The following EBPL variants were observed in gnomAD, a reference collection of about 807,000 sequenced individuals.
EBPL encodes the protein EBP like, also known as emopamil-binding protein-like.
A neutral mutation model predicts 19.0 loss-of-function variants in EBPL; 20 were observed. The ratio of observed to expected loss-of-function variants is 1.05; its 90% confidence interval spans 0.74 to 1.53. The LOEUF (loss-of-function observed/expected upper bound fraction) is 1.53, where lower values mean the gene tolerates loss of function less well. EBPL is among the 40% of genes most tolerant of loss of function. The pLI is 0.00. For missense variants in EBPL, 219 were observed against 261.1 expected (o/e 0.84, Z 1.11); for synonymous variants, 107 against 117.0 (o/e 0.91, Z 0.55).
At chr13:49,687,005 C>G (rs934942488) in intron 1 of EBPL, among the ~76,000 whole-genome samples, 3 of 152,260 alleles carry the variant, frequency 2.0e-5, no homozygotes, top group Non-Finnish European at 2.9e-5. Context: ...CAAGGCCTCA[C>G]TATGTTAGCA....
At chr13:49,661,291 C>T (rs1965144042) in intron 3 of EBPL, 83 bp from the exon 4 acceptor site, 5 of 1,128,774 alleles carry the variant, frequency 4.4e-6, no homozygotes, top group Non-Finnish European at 6.5e-6. Flanking sequence ...TCTGTAATGG[C>T]GGCATCAACA....
chr13:49,670,277 T>C (rs1953797553), intron 1 of EBPL, among the ~76,000 whole-genome samples: 3 of 152,184 alleles, frequency 2.0e-5, no homozygotes, highest in Admixed American at 1.3e-4. Context: ...CAATCAAGTT[T>C]ATACCAGCAT....
Position 49,663,044 on chromosome 13 carries a change from G to A in EBPL, c.380+13C>T. The A allele has an allele frequency of 6.2e-7, 1 of 1,613,256 alleles. No homozygotes were observed. The highest frequency in any genetic ancestry group is 8.5e-7 in the Non-Finnish European group (1 of 1,179,972). The stretch of plus-strand genomic sequence containing the variant: ...CTCCCCTCCTTCCAGCAGGACAGAA[G>A]AAGGGCACCTACCGGTAATATTTTT... On this transcript the variant is annotated intron_variant, in intron 3 of 3. Transcript: ENST00000242827.
chr13:49,675,875 ATTGTT>A (rs997175461), intron 1 of EBPL, among the ~76,000 whole-genome samples: 2 of 102,958 alleles, frequency 1.9e-5, no homozygotes, highest in Non-Finnish European at 4.6e-5. Flanking sequence ...CTTTGTTGTT[ATTGTT>A]TTTTTTTTTT....
intron 1 of EBPL, among the ~76,000 whole-genome samples, chr13:49,683,480 G>A (rs924672754): frequency 9.2e-5 from 14 of 151,928 alleles, no homozygotes; most frequent in Non-Finnish European, 1.9e-4. Flanking sequence ...GCAGTGAGCC[G>A]ATCGCACCAC....
At chr13:49,668,658 TTTTATA>T in intron 2 of EBPL, 2 of 381,376 alleles carry the variant, frequency 5.2e-6, no homozygotes, top group South Asian at 3.9e-5. Flanking sequence ...AGAAAGGCAG[TTTTATA>T]AAGTGGTAAA....
intron 1 of EBPL, among the ~76,000 whole-genome samples, chr13:49,677,269 T>C (rs1953886833): frequency 6.6e-6 from 1 of 152,204 alleles, no homozygotes; most frequent in African/African-American, 2.4e-5. Context: ...CCCTTCCCTG[T>C]ATCATCACAC....
chr13:49,686,599 G>A (rs1314611604), intron 1 of EBPL: 1 of 1,289,094 alleles, frequency 7.8e-7, no homozygotes, highest in South Asian at 1.2e-5. Context: ...CTCTCTCCTA[G>A]GATAGATATT....
intron 2 of EBPL, among the ~76,000 whole-genome samples, chr13:49,664,033 C>G (rs530270160): frequency 5.3e-5 from 8 of 152,374 alleles, no homozygotes; most frequent in African/African-American, 1.9e-4. Flanking sequence ...GGGCGGATCA[C>G]TTGAAGTCAG....
Position 49,669,835 on chromosome 13 carries a change from A to G in EBPL, c.183T>C (p.Phe61=), listed in dbSNP as rs1407797846. The G allele has an allele frequency of 6.2e-7, 1 of 1,613,748 alleles. No individual in the cohort carries two copies. The highest frequency in any genetic ancestry group is 2.2e-5 in the East Asian group (1 of 44,900). ...ALVHFALEGP[F]VYLSLVGNVA... The stretch of plus-strand genomic sequence containing the variant: ...CGTTTCCTACTAAAGACAAGTAGAC[A>G]AAAGGGCCTTCCTAGAGAGGAGAAA... Residue 61 remains phenylalanine, a synonymous_variant, in exon 2 of 4, where the codon TTT becomes TTC. Transcript: ENST00000242827.
At chr13:49,668,102 A>T (rs1162933516) in intron 2 of EBPL, 1 of 152,400 alleles carries the variant, frequency 6.6e-6, no homozygotes, top group Non-Finnish European at 1.5e-5. Flanking sequence ...AAGTGGCTCT[A>T]CTCTGGTCAA....
chr13:49,691,003 C>T (rs758942881), intron 1 of EBPL, among the ~76,000 whole-genome samples: 1 of 152,202 alleles, frequency 6.6e-6, no homozygotes, highest in Non-Finnish European at 1.5e-5. Flanking sequence ...TAACATAGCA[C>T]GTACAGAATT....
Position 49,661,135 on chromosome 13 carries a change from T to A in EBPL, c.454A>T (p.Thr152Ser). The A allele has an allele frequency of 6.2e-7, 1 of 1,614,014 alleles. No homozygotes were observed. Among genetic ancestry groups the A allele is most frequent in the East Asian group, 2.2e-5 (1 of 44,872 alleles). The change falls in exon 4 of 4, where the codon ACC becomes TCC. Residue 152 changes from threonine (T) to serine (S), a missense_variant. Thr to Ser is a moderately conservative substitution (Grantham distance 58, BLOSUM62 1). Around this residue, in one of 2 missense-constraint regions of EBPL, gnomAD observed 49 missense variants for 94.1 expected, o/e 0.52. Coordinates refer to ENST00000242827, the MANE Select transcript of EBPL (RefSeq NM_032565.5). Reference protein sequence around the residue: ...CWMTFLPEWLTRSPNLNTSNW... With the variant: ...CWMTFLPEWLSRSPNLNTSNW... ...CTGGTGTTGAGGTTGGGGCTTCTGG[T>A]GAGCCACTCTGGGAGGAAGGTCATC...
intron 1 of EBPL, among the ~76,000 whole-genome samples, chr13:49,688,973 A>G (rs1472169289): frequency 6.6e-6 from 1 of 152,198 alleles, no homozygotes; most frequent in East Asian, 1.9e-4. Context: ...ACGTTGGTAG[A>G]TGCATTGTTT....
At chr13:49,669,067 G>A (rs1661781291) in intron 2 of EBPL, among the ~76,000 whole-genome samples, 1 of 152,016 alleles carries the variant, frequency 6.6e-6, no homozygotes, top group South Asian at 2.1e-4. Context: ...TTTTAGCACA[G>A]ACAGGATTTC....
intron 1 of EBPL, among the ~76,000 whole-genome samples, chr13:49,678,745 GAAGGGCTCCTC>G (rs1198120104): frequency 6.6e-6 from 1 of 152,156 alleles, no homozygotes; most frequent in Non-Finnish European, 1.5e-5. Context: ...GCCGCGGGCT[GAAGGGCTCCTC>G]AAGCATGGCC....
chr13:49,664,184 G>A (rs567925567), intron 2 of EBPL, among the ~76,000 whole-genome samples: 2 of 152,136 alleles, frequency 1.3e-5, no homozygotes, highest in Non-Finnish European at 2.9e-5. Flanking sequence ...CCCAGGAGGC[G>A]GAGGTTGCAG....
At chr13:49,676,509 G>A (rs961206528) in intron 1 of EBPL, among the ~76,000 whole-genome samples, 3 of 152,038 alleles carry the variant, frequency 2.0e-5, no homozygotes, top group Non-Finnish European at 2.9e-5. Flanking sequence ...GGAGAATGGT[G>A]TGAACCCGGG....
rs1272191202 is a variant in EBPL at position 49,687,694 on chromosome 13, C to G, written c.171+3560G>C. On this transcript the variant is annotated intron_variant, in intron 1 of 3. Transcript: ENST00000242827. ...CCACCAGCTCACAATAAGATGGACG[C>G]GTAGTTCTGGAGTTCCTTTCTTGTA... Among the ~76,000 whole-genome samples the G allele has an allele frequency of 2.0e-5, 3 of 152,166 alleles. No individual in the cohort carries two copies. The East Asian group carries it at 5.8e-4, about 29-fold the overall frequency.
Sources: allele counts gnomAD v4.1 joint callset (sites outside exome capture counted in the v4.1 genomes callset), GRCh38; gene constraint gnomAD v4.1.1; regional missense constraint gnomAD v4.1.1; transcripts MANE v1.5; gene names NCBI Gene and HGNC (gene_info 2026-07-23, HGNC 2026-07-21).